MIB1: variants seen among roughly 807,000 people sequenced by gnomAD.
The protein encoded by MIB1 is E3 ubiquitin-protein ligase MIB1.
A neutral mutation model predicts 124.5 loss-of-function variants in MIB1; 278 were observed. The ratio of observed to expected loss-of-function variants is 2.23; its 90% CI spans 2.02 to 2.47. The LOEUF (loss-of-function observed/expected upper bound fraction) is 2.47. Among genes scored for constraint, MIB1 ranks in the 30% most tolerant of loss-of-function variants. The pLI, the probability that MIB1 is intolerant of heterozygous loss-of-function variation, is 0.00. For missense variants in MIB1, 957 were observed against 1,254.4 expected (o/e 0.76, Z 3.58); for synonymous variants, 446 against 429.4 (o/e 1.04, Z -0.48).
intron 6 of MIB1, 27 bp downstream of exon 6, chr18:21,779,712 A>C (rs2041336448): frequency 8.3e-6 from 13 of 1,566,132 alleles, no homozygotes; most frequent in Non-Finnish European, 1.1e-5. Flanking sequence ...AATTTTTGAC[A>C]ATGACAAATA....
intron 1 of MIB1, among the ~76,000 whole-genome samples, chr18:21,723,672 C>G (rs947098695): frequency 1.3e-5 from 2 of 152,048 alleles, no homozygotes; most frequent in Non-Finnish European, 2.9e-5. Context: ...CCCGCCACCA[C>G]GCCCAGCTAA....
Position 21,791,370 on chromosome 18 carries a change from G to A in MIB1, c.909-4G>A, listed in dbSNP as rs1812892901. 1 of 1,603,620 alleles carries A rather than the reference G, an allele frequency of 6.2e-7. No individual in the cohort carries two copies. Among genetic ancestry groups the A allele is most frequent in the Non-Finnish European group, 8.5e-7 (1 of 1,174,662 alleles). ...CATTTTGAGGTTTAGCTTTGCTCTT[G>A]TAGGTGGACCTTCAATCCTGCTGTT... On this transcript the variant is annotated splice_polypyrimidine_tract_variant and splice_region_variant and intron_variant, in intron 6 of 20. Coordinates refer to ENST00000261537, the MANE Select transcript of MIB1 (RefSeq NM_020774.4).
intron 1 of MIB1, among the ~76,000 whole-genome samples, chr18:21,724,727 A>AAAATATATAT (rs1350936232): frequency 5.8e-5 from 1 of 17,372 alleles, no homozygotes. Context: ...AAAAAAAAAA[A>AAAATATATAT]ATATATATAT....
chr18:21,836,311 T>A (rs2042031747), intron 12 of MIB1, among the ~76,000 whole-genome samples: 1 of 148,382 alleles, frequency 6.7e-6, no homozygotes, highest in Admixed American at 6.8e-5. Flanking sequence ...TCTCGCTCAG[T>A]CGCCTGGGCT....
chr18:21,779,328 T>C (rs997317165), intron 5 of MIB1, among the ~76,000 whole-genome samples, 153 bp from the exon 6 acceptor site: 2 of 152,214 alleles, frequency 1.3e-5, no homozygotes, highest in Admixed American at 1.3e-4. Flanking sequence ...GCTTTCTAGT[T>C]CTAAAATTTT....
At chr18:21,853,306 G>A in intron 18 of MIB1, 88 bp downstream of exon 18, 1 of 974,858 alleles carries the variant, frequency 1.0e-6, no homozygotes, top group South Asian at 1.4e-5. Flanking sequence ...TTTTGCTTTT[G>A]ATTTTGGATA....
chr18:21,778,310 T>TA, intron 5 of MIB1, 141 bp downstream of exon 5: 1 of 533,588 alleles, frequency 1.9e-6, no homozygotes, highest in Non-Finnish European at 3.3e-6. Flanking sequence ...CCTTTGGTCT[T>TA]AAAGTATTTT....
intron 19 of MIB1, among the ~76,000 whole-genome samples, chr18:21,857,837 C>T (rs1198941402): frequency 6.6e-6 from 1 of 152,106 alleles, no homozygotes; most frequent in African/African-American, 2.4e-5. Context: ...TTTCTTTGTT[C>T]TCTGAACATG....
intron 14 of MIB1, 57 bp from the exon 15 acceptor site, chr18:21,844,034 GT>G: frequency 6.4e-7 from 1 of 1,556,928 alleles, no homozygotes; most frequent in Non-Finnish European, 8.8e-7. Flanking sequence ...CTTTAGATAT[GT>G]TGAAGTTTCT....
chr18:21,756,472 T>A (rs908003231), intron 1 of MIB1, among the ~76,000 whole-genome samples: 2 of 152,016 alleles, frequency 1.3e-5, no homozygotes, highest in Admixed American at 6.6e-5. Flanking sequence ...TTCTTTTTTT[T>A]ATTTTTTTTT....
chr18:21,717,708 T>C (rs778367230), intron 1 of MIB1, among the ~76,000 whole-genome samples: 1 of 152,144 alleles, frequency 6.6e-6, no homozygotes, highest in Non-Finnish European at 1.5e-5. Flanking sequence ...GCCACCTTAC[T>C]CCTGCAAAAA....
In MIB1 at chr18:21,853,823, T is replaced by C. The variant is rs1259826006; in HGVS notation, c.2665+605T>C. Among the ~76,000 whole-genome samples, 3 of 152,110 alleles carry C rather than the reference T, an allele frequency of 2.0e-5. No homozygotes were observed. In the East Asian group the frequency reaches 5.8e-4, roughly 29 times the overall value. ...AGTTCATACACTGTTAAATATTCTC[T>C]TCCCTTTGCTTTTCTTCATTTTGTC... On this transcript the variant is annotated intron_variant, in intron 18 of 20. Coordinates refer to ENST00000261537, the MANE Select transcript of MIB1 (RefSeq NM_020774.4).
chr18:21,833,921 C>T (rs908675243), intron 12 of MIB1, among the ~76,000 whole-genome samples: 1 of 152,162 alleles, frequency 6.6e-6, no homozygotes, highest in Non-Finnish European at 1.5e-5. Flanking sequence ...GGAAAACAAC[C>T]AAATTGAGCA....
In MIB1 at chr18:21,870,607, A is replaced by G. The variant is rs1412862573; in HGVS notation, c.*5941A>G. Reference sequence around the variant, plus strand: ...GGTAGATATTTTAAAGCAATGATCTATTTGGGTTTTAGTTTTATGAGTAAA... The same window carrying G: ...GGTAGATATTTTAAAGCAATGATCTGTTTGGGTTTTAGTTTTATGAGTAAA... On this transcript the variant is annotated 3_prime_UTR_variant, in exon 21 of 21. Coordinates refer to ENST00000261537, the MANE Select transcript of MIB1 (RefSeq NM_020774.4). 4 of 152,094 alleles carry G rather than the reference A, an allele frequency of 2.6e-5. No homozygotes were observed. Among genetic ancestry groups the G allele is most frequent in the African/African-American group, 9.7e-5 (4 of 41,432 alleles). 9.4% of individuals were successfully genotyped at this position (152,094 alleles called of 1,614,324 possible).
At chr18:21,857,921 G>A (rs773067787) in intron 19 of MIB1, among the ~76,000 whole-genome samples, 14 of 152,134 alleles carry the variant, frequency 9.2e-5, no homozygotes, top group Non-Finnish European at 1.6e-4. Context: ...ATCACAAATA[G>A]AACAGAATAA....
At chr18:21,718,574 G>A (rs918056356) in intron 1 of MIB1, among the ~76,000 whole-genome samples, 1 of 152,192 alleles carries the variant, frequency 6.6e-6, no homozygotes, top group Non-Finnish European at 1.5e-5. Context: ...GAGACATCAA[G>A]CAAGAACTGC....
At chr18:21,792,161 T>G (rs1411551470) in intron 7 of MIB1, among the ~76,000 whole-genome samples, 1 of 152,138 alleles carries the variant, frequency 6.6e-6, no homozygotes, top group Non-Finnish European at 1.5e-5. Context: ...CCATCCCTTA[T>G]GCTTCCTTCT....
chr18:21,797,500 A>G (rs2041596790), intron 7 of MIB1, among the ~76,000 whole-genome samples: 1 of 152,032 alleles, frequency 6.6e-6, no homozygotes, highest in South Asian at 2.1e-4. Context: ...AAAAAAGGTG[A>G]TAGTTGTCAA....
intron 15 of MIB1, among the ~76,000 whole-genome samples, chr18:21,845,042 G>T (rs1430169725): frequency 1.3e-5 from 2 of 150,542 alleles, no homozygotes; most frequent in African/African-American, 2.4e-5. Context: ...ATGGAGTCTC[G>T]CTCTGTCGCC....
Sources: gnomAD v4.1 joint callset for allele counts (sites outside exome capture counted in the v4.1 genomes callset) on GRCh38, gnomAD v4.1.1 for gene constraint, MANE v1.5 for transcripts, NCBI Gene and HGNC (gene_info 2026-07-23, HGNC 2026-07-21) for gene names.